DENND1A: variants seen among roughly 807,000 people sequenced by gnomAD.
The protein encoded by DENND1A is DENN domain containing 1A.
DENND1A carries 51 observed loss-of-function variants against 113.7 expected under a neutral mutation model. The observed-to-expected ratio is 0.45, with a 90% CI of 0.36 to 0.57. The LOEUF (loss-of-function observed/expected upper bound fraction) is 0.57, where lower values mean the gene tolerates loss of function less well. DENND1A is among the 20% of genes least tolerant of loss of function. The pLI is 0.00. For missense variants in DENND1A, 1,258 were observed against 1,395.9 expected (o/e 0.90, Z 1.57); for synonymous variants, 565 against 570.8 (o/e 0.99, Z 0.14).
chr9:123,818,517 T>C (rs138800096), intron 2 of DENND1A, among the ~76,000 whole-genome samples: 16 of 123,138 alleles, frequency 1.3e-4, no homozygotes, highest in Non-Finnish European at 2.5e-4. Flanking sequence ...TATACATACA[T>C]ATACACACAC....
At chr9:123,918,951 G>A (rs1444960395) in intron 1 of DENND1A, among the ~76,000 whole-genome samples, 1 of 151,968 alleles carries the variant, frequency 6.6e-6, no homozygotes, top group East Asian at 1.9e-4. Context: ...CCAATTTGTA[G>A]GAAATAAAGG....
At chr9:123,387,486 G>A (rs958883929) in intron 22 of DENND1A, among the ~76,000 whole-genome samples, 2 of 152,192 alleles carry the variant, frequency 1.3e-5, no homozygotes, top group Non-Finnish European at 2.9e-5. Context: ...ACCAATGCTC[G>A]CGTATCACCC....
intron 13 of DENND1A, among the ~76,000 whole-genome samples, chr9:123,548,920 G>A (rs1430396769): frequency 6.6e-6 from 1 of 152,208 alleles, no homozygotes; most frequent in Non-Finnish European, 1.5e-5. Context: ...AAAGGGAAAT[G>A]AGAAGTTCTT....
chr9:123,784,505 T>G (rs1478710070), intron 3 of DENND1A, among the ~76,000 whole-genome samples: 1 of 152,142 alleles, frequency 6.6e-6, no homozygotes, highest in African/African-American at 2.4e-5. Flanking sequence ...CCGGGACTGA[T>G]TCTATGAGGC....
At chr9:123,449,941 A>C (rs2047586510) in intron 18 of DENND1A, among the ~76,000 whole-genome samples, 1 of 152,058 alleles carries the variant, frequency 6.6e-6, no homozygotes, top group South Asian at 2.1e-4. Flanking sequence ...ATCACAGCTA[A>C]AGAACTTACT....
intron 5 of DENND1A, among the ~76,000 whole-genome samples, chr9:123,752,912 T>A (rs2070186771): frequency 6.6e-6 from 1 of 152,196 alleles, no homozygotes; most frequent in Non-Finnish European, 1.5e-5. Flanking sequence ...TAATTTAGTA[T>A]CAACTCCCAT....
chr9:123,543,625 G>A (rs1211177124), intron 13 of DENND1A, among the ~76,000 whole-genome samples: 1 of 152,146 alleles, frequency 6.6e-6, no homozygotes, highest in Non-Finnish European at 1.5e-5. Flanking sequence ...CACAGTACCC[G>A]ACCGTGCCAC....
At chr9:123,594,304 G>A (rs764147814) in intron 11 of DENND1A, among the ~76,000 whole-genome samples, 12 of 152,126 alleles carry the variant, frequency 7.9e-5, no homozygotes, top group Non-Finnish European at 1.3e-4. Flanking sequence ...ACTAGCTGTT[G>A]TGTTTCTCCC....
At chr9:123,435,061 C>T (rs2132197789) in intron 19 of DENND1A, among the ~76,000 whole-genome samples, 1 of 152,260 alleles carries the variant, frequency 6.6e-6, no homozygotes, top group Middle Eastern at 3.4e-3. Context: ...GTGTCATTCA[C>T]TGGGGTGGAA....
rs530603464 is a variant in DENND1A at position 123,568,562 on chromosome 9, GC to G, written c.868-10868del. The stretch of plus-strand genomic sequence containing the variant: ...ACTGAAATGTCACTCATTATGCTGA[GC>G]CTAGTGGATTTACTTAGTGACCCAA... On this transcript the variant is annotated intron_variant, in intron 12 of 23. Transcript: ENST00000394215. Among the ~76,000 whole-genome samples the G allele has an allele frequency of 2.5e-3, 376 of 152,310 alleles. 2 individuals are homozygous for G. Among genetic ancestry groups the G allele is most frequent in the Admixed American group, 8.2e-3 (126 of 15,296 alleles).
chr9:123,431,157 T>C (rs1009251054), intron 19 of DENND1A, among the ~76,000 whole-genome samples: 1 of 152,200 alleles, frequency 6.6e-6, no homozygotes, highest in African/African-American at 2.4e-5. Flanking sequence ...CTGCTAAATG[T>C]ATTAGGTTGA....
chr9:123,796,001 C>G (rs774520494), intron 2 of DENND1A, among the ~76,000 whole-genome samples: 2 of 152,188 alleles, frequency 1.3e-5, no homozygotes, highest in Non-Finnish European at 2.9e-5. Flanking sequence ...CCTTTTCTCT[C>G]AACAACTTTC....
At chr9:123,747,882 A>AT (rs2069650973) in intron 5 of DENND1A, among the ~76,000 whole-genome samples, 1 of 152,078 alleles carries the variant, frequency 6.6e-6, no homozygotes, top group Non-Finnish European at 1.5e-5. Context: ...TTTTGATACT[A>AT]TTTCCATACT....
At chr9:123,401,670 A>T in intron 21 of DENND1A, 1 of 1,484,286 alleles carries the variant, frequency 6.7e-7, no homozygotes. Flanking sequence ...CAAACAACAA[A>T]CCAACCAACC....
chr9:123,459,118 G>C (rs2048351922), intron 13 of DENND1A, among the ~76,000 whole-genome samples: 1 of 152,188 alleles, frequency 6.6e-6, no homozygotes. Context: ...GCAGTGAACT[G>C]AGATGGCGCC....
At chr9:123,686,240 T>C (rs902435285) in intron 5 of DENND1A, among the ~76,000 whole-genome samples, 17 of 152,290 alleles carry the variant, frequency 1.1e-4, no homozygotes, top group African/African-American at 4.1e-4. Context: ...GATGAGAAAA[T>C]TGAGTCGTAG....
At chr9:123,771,775 A>G (rs1315259921) in intron 3 of DENND1A, among the ~76,000 whole-genome samples, 1 of 152,158 alleles carries the variant, frequency 6.6e-6, no homozygotes, top group Non-Finnish European at 1.5e-5. Context: ...TAGAACAAAT[A>G]TCAAAATACC....
chr9:123,433,950 T>C (rs1432448452), intron 19 of DENND1A, among the ~76,000 whole-genome samples: 3 of 152,210 alleles, frequency 2.0e-5, no homozygotes, highest in African/African-American at 7.2e-5. Context: ...TGACTGACCT[T>C]AGGAACTAGG....
At chr9:123,623,804 C>T (rs2061067053) in intron 10 of DENND1A, among the ~76,000 whole-genome samples, 1 of 152,206 alleles carries the variant, frequency 6.6e-6, no homozygotes, top group African/African-American at 2.4e-5. Flanking sequence ...AGCTGCAATA[C>T]AGCTTCTGGG....
Sources: allele counts gnomAD v4.1 joint callset (sites outside exome capture counted in the v4.1 genomes callset), GRCh38; gene constraint gnomAD v4.1.1; transcripts MANE v1.5; gene names NCBI Gene and HGNC (gene_info 2026-07-23, HGNC 2026-07-21).